The following GABRG3 variants were observed in gnomAD, a reference collection of about 807,000 sequenced individuals.
GABRG3 encodes gamma-aminobutyric acid type A receptor subunit gamma3.
Under a neutral mutation model 48.8 loss-of-function variants are expected in GABRG3, and 25 were observed. The ratio of observed to expected loss-of-function variants is 0.51; its 90% CI spans 0.37 to 0.72. The LOEUF (loss-of-function observed/expected upper bound fraction) is 0.72, where lower values mean the gene tolerates loss of function less well. Ranked by LOEUF, GABRG3 falls within the 30% of genes least tolerant of loss-of-function variation. GABRG3 has a pLI of 0.00. For missense variants in GABRG3, 394 were observed against 577.9 expected, an observed-to-expected ratio of 0.68 and a Z score of 3.26; for synonymous variants, 227 against 217.6, an observed-to-expected ratio of 1.04 and a Z score of -0.38.
intron 3 of GABRG3, among the ~76,000 whole-genome samples, chr15:27,104,004 G>A (rs1020972811): frequency 6.6e-6 from 1 of 152,196 alleles, no homozygotes; most frequent in Non-Finnish European, 1.5e-5. Flanking sequence ...CAAAAGGCTG[G>A]CTCAGCCAGA....
intron 3 of GABRG3, among the ~76,000 whole-genome samples, chr15:27,124,232 T>C (rs972067824): frequency 4.6e-5 from 7 of 152,174 alleles, no homozygotes; most frequent in Non-Finnish European, 1.0e-4. Context: ...CCAATAAATA[T>C]AACTTGTGGA....
intron 6 of GABRG3, among the ~76,000 whole-genome samples, chr15:27,487,847 G>A (rs1160837665): frequency 6.6e-6 from 1 of 152,206 alleles, no homozygotes; most frequent in East Asian, 1.9e-4. Flanking sequence ...TCGCCATGCT[G>A]AAGATGCTTA....
At chr15:27,339,630 C>T (rs1450532861) in intron 5 of GABRG3, among the ~76,000 whole-genome samples, 1 of 152,186 alleles carries the variant, frequency 6.6e-6, no homozygotes, top group East Asian at 1.9e-4. Flanking sequence ...AGTATCGTCC[C>T]CCAATAACTG....
At chr15:27,483,396 A>T (rs950828789) in intron 6 of GABRG3, 3 of 152,232 alleles carry the variant, frequency 2.0e-5, no homozygotes, top group Admixed American at 6.5e-5. Flanking sequence ...AACACCAGTC[A>T]TATTGGATTA....
At chr15:27,405,853 G>GGC (rs1555378544) in intron 5 of GABRG3, among the ~76,000 whole-genome samples, 1 of 151,878 alleles carries the variant, frequency 6.6e-6, no homozygotes, top group African/African-American at 2.4e-5. Context: ...CTAGGACTGG[G>GGC]GGAGGGAATA....
Position 27,537,091 on chromosome 15 carries a change from T to C in GABRG3, c.*4210T>C, listed in dbSNP as rs1287781256. 1 of 141,456 alleles carries C rather than the reference T, an allele frequency of 7.1e-6. No homozygotes were observed. Among genetic ancestry groups the C allele is most frequent in the African/African-American group, 2.7e-5 (1 of 37,546 alleles). The allele number at this position is 141,456 out of a possible 1,614,324, so 8.8% of individuals were successfully genotyped here. A position where few individuals can be genotyped will look rare whatever the true frequency, so the allele number is the denominator to read the frequency against. ...GTGCTTTTCCTGAGCGATTTTAAAC[T>C]CTACCCGTAAGAAATTTCATCTGCA... On this transcript the variant is annotated 3_prime_UTR_variant, in exon 10 of 10. Transcript: ENST00000615808.
chr15:27,015,552 T>A (rs2195816), intron 2 of GABRG3, among the ~76,000 whole-genome samples: 13,180 of 150,898 alleles, frequency 0.087, 681 homozygotes, highest in Middle Eastern at 0.22. Context: ...ACCTGGCTAA[T>A]TTTTTTTTGT....
At chr15:27,123,814 A>C (rs947090562) in intron 3 of GABRG3, among the ~76,000 whole-genome samples, 5 of 152,082 alleles carry the variant, frequency 3.3e-5, no homozygotes, top group African/African-American at 1.2e-4. Flanking sequence ...GTACAGCAGG[A>C]CTCGAACCAG....
chr15:27,453,007 T>C (rs143031005), intron 5 of GABRG3, among the ~76,000 whole-genome samples: 2,065 of 152,312 alleles, frequency 0.014, 26 homozygotes, highest in Non-Finnish European at 0.021. Flanking sequence ...GGGATGAACC[T>C]GAAGGACATT....
intron 5 of GABRG3, among the ~76,000 whole-genome samples, chr15:27,394,316 A>C (rs933400267): frequency 2.0e-5 from 3 of 152,132 alleles, no homozygotes; most frequent in Non-Finnish European, 4.4e-5. Flanking sequence ...TCAAATTAAT[A>C]CTAACTTTAT....
At chr15:27,515,788 C>T (rs961860547) in intron 6 of GABRG3, among the ~76,000 whole-genome samples, 16 of 152,146 alleles carry the variant, frequency 1.1e-4, no homozygotes, top group Non-Finnish European at 1.3e-4. Context: ...AAAGATTCAC[C>T]TAGTCCGTAG....
intron 5 of GABRG3, among the ~76,000 whole-genome samples, chr15:27,377,243 T>C (rs1000242899): frequency 1.3e-5 from 2 of 152,230 alleles, no homozygotes; most frequent in African/African-American, 4.8e-5. Context: ...TCAACAAGTT[T>C]CCAGGAAGTT....
At chr15:27,057,653 A>G (rs1896573735) in intron 3 of GABRG3, among the ~76,000 whole-genome samples, 1 of 152,092 alleles carries the variant, frequency 6.6e-6, no homozygotes, top group Admixed American at 6.6e-5. Context: ...CGGGGCTCCC[A>G]TTGCTCATGT....
chr15:27,429,951 C>T (rs1379522778), intron 5 of GABRG3, among the ~76,000 whole-genome samples: 2 of 152,150 alleles, frequency 1.3e-5, no homozygotes, highest in Non-Finnish European at 2.9e-5. Flanking sequence ...ATTCTGTGGT[C>T]CTATGGAAAC....
chr15:27,326,645 A>G (rs142051306), intron 3 of GABRG3, among the ~76,000 whole-genome samples, 164 bp from the exon 4 acceptor site: 166 of 152,376 alleles, frequency 1.1e-3, no homozygotes, highest in African/African-American at 3.9e-3. Context: ...AATATTGGTC[A>G]TCATTCACTG....
chr15:27,163,814 G>T (rs1438012950), intron 3 of GABRG3, among the ~76,000 whole-genome samples: 2 of 152,108 alleles, frequency 1.3e-5, no homozygotes, highest in African/African-American at 2.4e-5. Flanking sequence ...TACCATGTGC[G>T]AGTGGGCTTG....
At chr15:27,387,578 A>C (rs1334482250) in intron 5 of GABRG3, among the ~76,000 whole-genome samples, 16 of 151,890 alleles carry the variant, frequency 1.1e-4, no homozygotes. Context: ...CCAGGACTTG[A>C]TACACATGTG....
intron 3 of GABRG3, among the ~76,000 whole-genome samples, chr15:27,307,013 C>T (rs1365889591): frequency 2.1e-5 from 2 of 97,118 alleles, no homozygotes; most frequent in East Asian, 3.5e-4. Flanking sequence ...CATGTATAAA[C>T]ATGTTTATAT....
intron 5 of GABRG3, among the ~76,000 whole-genome samples, chr15:27,351,336 TA>T: frequency 6.7e-6 from 1 of 150,064 alleles, no homozygotes; most frequent in Non-Finnish European, 1.5e-5. Context: ...TGTGTGTGTG[TA>T]TGGTATATGT....
Sources: allele counts gnomAD v4.1 joint callset (sites outside exome capture counted in the v4.1 genomes callset), GRCh38; gene constraint gnomAD v4.1.1; transcripts MANE v1.5; gene names NCBI Gene and HGNC (gene_info 2026-07-23, HGNC 2026-07-21).